The following CNOT4 variants were observed in gnomAD, a reference collection of about 807,000 sequenced individuals.
CNOT4 encodes CCR4-associated factor 4.
In CNOT4, 8 loss-of-function variants were observed where a neutral mutation model predicts 73.8. That is an observed-to-expected ratio of 0.11 (90% CI 0.06 to 0.20). CNOT4 has a LOEUF of 0.20. CNOT4 is among the 10% of genes least tolerant of loss of function. The pLI is 1.00. For synonymous variants in CNOT4, 293 were observed against 321.1 expected, an observed-to-expected ratio of 0.91 and a Z score of 0.94; for missense variants, 564 against 883.4, an observed-to-expected ratio of 0.64 and a Z score of 4.58.
chr7:135,406,841 ATACTT>A (rs1184333058), intron 7 of CNOT4, among the ~76,000 whole-genome samples: 1 of 148,442 alleles, frequency 6.7e-6, no homozygotes, highest in Non-Finnish European at 1.5e-5. Context: ...CTACCTGACT[ATACTT>A]TATAATAAAG....
intron 1 of CNOT4, among the ~76,000 whole-genome samples, chr7:135,493,579 A>C (rs1803256660): frequency 6.6e-6 from 1 of 152,180 alleles, no homozygotes. Context: ...GGATTGAAAA[A>C]AATAGTAAAT....
rs552807764 is a variant in CNOT4 at position 135,426,618 on chromosome 7, AG to A, written c.175-4266del. On this transcript the variant is annotated intron_variant, in intron 2 of 11. Coordinates refer to ENST00000541284, the MANE Select transcript of CNOT4 (RefSeq NM_001190850.2). Reference sequence around the variant, plus strand: ...ACTCCGTCTCAAAAAAAAAAAAAAAAGAAAGAAAGAAAGAAAAATACAGGCT... The same window carrying A: ...ACTCCGTCTCAAAAAAAAAAAAAAAAAAAGAAAGAAAGAAAAATACAGGCT... Among the ~76,000 whole-genome samples, 261 of 141,598 alleles carry A rather than the reference AG, an allele frequency of 1.8e-3. 8 individuals are homozygous for A. The East Asian group carries it at 0.047, about 25-fold the overall frequency. The allele number at this position is 141,598 out of a possible 152,430, so 92.9% of individuals were successfully genotyped here.
chr7:135,419,837 G>A (rs1193441873), intron 3 of CNOT4, among the ~76,000 whole-genome samples: 1 of 151,330 alleles, frequency 6.6e-6, no homozygotes. Context: ...GAGGTCAGGA[G>A]TTTGAGACCA....
chr7:135,366,514 A>C (rs1417703595), intron 10 of CNOT4, among the ~76,000 whole-genome samples: 1 of 152,202 alleles, frequency 6.6e-6, no homozygotes, highest in East Asian at 1.9e-4. Context: ...ATGATGCAGA[A>C]ACAGTGAGAA....
chr7:135,397,074 C>T (rs1397708277), intron 8 of CNOT4, among the ~76,000 whole-genome samples: 3 of 152,026 alleles, frequency 2.0e-5, no homozygotes, highest in Non-Finnish European at 4.4e-5. Flanking sequence ...ACCGCAAAAA[C>T]ATTATTTCAA....
chr7:135,437,021 T>A (rs1289047772), intron 2 of CNOT4, among the ~76,000 whole-genome samples: 1 of 152,172 alleles, frequency 6.6e-6, no homozygotes, highest in Non-Finnish European at 1.5e-5. Context: ...TTTGCATTAA[T>A]CCCTAAGGTC....
chr7:135,413,432 TAA>T, intron 6 of CNOT4, 54 bp downstream of exon 6: 1 of 1,392,300 alleles, frequency 7.2e-7, no homozygotes, highest in Non-Finnish European at 9.8e-7. Flanking sequence ...TGTTAACTAA[TAA>T]AAAAAAAAGT....
chr7:135,415,140 T>C (rs1211401280), intron 4 of CNOT4, 36 bp downstream of exon 4: 15 of 1,244,546 alleles, frequency 1.2e-5, no homozygotes, highest in Non-Finnish European at 1.8e-5. Flanking sequence ...GCCCAGACCA[T>C]AGGGAGGAAA....
At chr7:135,398,489 C>T (rs1342626592) in intron 7 of CNOT4, among the ~76,000 whole-genome samples, 5 of 151,964 alleles carry the variant, frequency 3.3e-5, no homozygotes, top group Non-Finnish European at 7.4e-5. Flanking sequence ...GAAAATTGGT[C>T]ACTAGAGCAT....
intron 10 of CNOT4, among the ~76,000 whole-genome samples, chr7:135,382,391 G>A (rs1795896707): frequency 6.6e-6 from 1 of 152,150 alleles, no homozygotes. Context: ...AAGGAGCAGT[G>A]GCTTCTCAAT....
intron 1 of CNOT4, among the ~76,000 whole-genome samples, chr7:135,461,713 T>C (rs909949313): frequency 3.3e-5 from 5 of 152,014 alleles, no homozygotes; most frequent in Admixed American, 1.3e-4. Flanking sequence ...ACCCCTATAA[T>C]TATGGCTATT....
rs1184439239 is a variant in CNOT4 at position 135,429,311 on chromosome 7, T to C, written c.175-6958A>G. Among the ~76,000 whole-genome samples the C allele has an allele frequency of 1.6e-4, 24 of 152,176 alleles. 1 individual carries two copies. Among genetic ancestry groups the C allele is most frequent in the Admixed American group, 1.5e-3 (23 of 15,274 alleles). On this transcript the variant is annotated intron_variant, in intron 2 of 11. Transcript: ENST00000541284. ...TCATTTTTCCCTCCTTTCATTGATA[T>C]TTTTCTTGAATATGCTTCTAGTCAA...
intron 1 of CNOT4, among the ~76,000 whole-genome samples, chr7:135,456,894 GACT>G (rs2129486135): frequency 6.6e-6 from 1 of 152,040 alleles, no homozygotes; most frequent in South Asian, 2.1e-4. Flanking sequence ...GATAAGGGAG[GACT>G]ACTGTGTAAG....
intron 7 of CNOT4, among the ~76,000 whole-genome samples, chr7:135,408,290 T>C (rs898444035): frequency 6.6e-6 from 1 of 152,084 alleles, no homozygotes; most frequent in East Asian, 1.9e-4. Context: ...TATGAACATA[T>C]AGTGAAATAC....
At position 135,364,192 on chromosome 7, in the gene CNOT4, G is replaced by A; in HGVS notation, c.1628-126C>T. On this transcript the variant is annotated intron_variant, in intron 10 of 11. Transcript: ENST00000541284. The surrounding 1 kb of genome is among the most constrained non-coding windows in gnomAD (Gnocchi z 4.3). ...TCTTTCTTTATTGAGCATTTAAAAT[G>A]GGTTGTCCTAGCAAGATAAACTTGG... The A allele has an allele frequency of 3.9e-6, 3 of 777,490 alleles. No homozygotes were observed. The highest frequency in any genetic ancestry group is 6.1e-6 in the Non-Finnish European group (3 of 490,894). 48.2% of individuals were successfully genotyped at this position (777,490 alleles called of 1,614,324 possible).
chr7:135,369,493 A>T (rs1795081640), intron 10 of CNOT4, among the ~76,000 whole-genome samples: 1 of 152,218 alleles, frequency 6.6e-6, no homozygotes. Flanking sequence ...GGTCATTACC[A>T]AAAGGCTCAA....
intron 1 of CNOT4, among the ~76,000 whole-genome samples, chr7:135,500,010 T>C (rs754502429): frequency 6.6e-6 from 1 of 152,186 alleles, no homozygotes; most frequent in African/African-American, 2.4e-5. Flanking sequence ...GGTCTAAGGA[T>C]AGAGGCGATG....
chr7:135,422,213 G>T lies in CNOT4; in HGVS notation c.315C>A (p.Val105=), dbSNP rs769577153. The T allele has an allele frequency of 4.3e-6, 7 of 1,611,518 alleles. No individual in the cohort carries two copies. The highest frequency in any genetic ancestry group is 1.3e-5 in the African/African-American group (1 of 74,840). The part of the protein sequence containing the change: ...ENRKHLASVR[V]VQKNLVFVVG... ...CAACAAAGACGAGGTTTTTTTGTAC[G>T]ACACGTACACTAGCCAAATGTTTGC... Residue 105 remains valine, a synonymous_variant, in exon 3 of 12, where the codon GTC becomes GTA. Coordinates refer to ENST00000541284, the MANE Select transcript of CNOT4 (RefSeq NM_001190850.2).
chr7:135,371,768 A>C (rs1027336617), intron 10 of CNOT4, among the ~76,000 whole-genome samples: 2 of 152,246 alleles, frequency 1.3e-5, no homozygotes, highest in Non-Finnish European at 2.9e-5. Context: ...AAGAGGAAAA[A>C]GTAAACAAAT....
Sources: allele counts gnomAD v4.1 joint callset (sites outside exome capture counted in the v4.1 genomes callset), GRCh38; gene constraint gnomAD v4.1.1; non-coding constraint Gnocchi (gnomAD v3.1); transcripts MANE v1.5; gene names NCBI Gene and HGNC (gene_info 2026-07-23, HGNC 2026-07-21).